Variants in CTNNA1 observed in about 807,000 individuals in gnomAD.
The protein encoded by CTNNA1 is catenin alpha 1.
A neutral mutation model predicts 98.4 loss-of-function variants in CTNNA1; 37 were observed. The observed-to-expected ratio is 0.38, with a 90% confidence interval of 0.29 to 0.49. CTNNA1 has a LOEUF of 0.49. Among genes scored for constraint, CTNNA1 ranks in the 20% least tolerant of loss-of-function variants. The pLI is 0.95. For synonymous variants in CTNNA1, 404 were observed against 413.2 expected (o/e 0.98, Z 0.27); for missense variants, 761 against 1,147.2 (o/e 0.66, Z 4.86).
Position 138,783,305 on chromosome 5 carries a change from A to C in CTNNA1, c.234A>C (p.Lys78Asn). Residue 78 changes from lysine (K) to asparagine (N), a missense_variant, in exon 3 of 18, where the codon AAA becomes AAC. Coordinates refer to ENST00000302763, the MANE Select transcript of CTNNA1 (RefSeq NM_001903.5). ...AGAATTTCTTGGAGAAGGGGGATAA[A>C]ATTGCGAAGGAGAGCCAGTTTCTCA... ...ATENFLEKGD[K>N]IAKESQFLKE... The C allele has an allele frequency of 1.2e-6, 2 of 1,614,126 alleles. No individual in the cohort carries two copies. Among genetic ancestry groups the C allele is most frequent in the Non-Finnish European group, 1.7e-6 (2 of 1,179,980 alleles).
At chr5:138,785,822 G>A (rs1452307006) in intron 3 of CTNNA1, among the ~76,000 whole-genome samples, 1 of 152,128 alleles carries the variant, frequency 6.6e-6, no homozygotes, top group Non-Finnish European at 1.5e-5. Context: ...TCGAACTCCT[G>A]ACCTCAAGTG....
chr5:138,777,747 ACTCGGCAGG>A (rs1754516918), intron 1 of CTNNA1, among the ~76,000 whole-genome samples: 1 of 150,932 alleles, frequency 6.6e-6, no homozygotes, highest in South Asian at 2.1e-4. Context: ...AATCACAGGC[ACTCGGCAGG>A]CTGAGGCAGG....
At position 138,932,560 on chromosome 5, in the gene CTNNA1, A is replaced by G; in HGVS notation, c.2299-18A>G. 6.2e-7 allele frequency: 1 copy of G among 1,613,826 alleles called. No individual in the cohort carries two copies. The highest frequency in any genetic ancestry group is 1.7e-5 in the Admixed American group (1 of 59,996). ...GGCCAGGCCAGGATACTTGGTGTTA[A>G]GCCTGCTCTCTCTTCAGTGCCCCGA... is the stretch of plus-strand genomic sequence containing the variant. On this transcript the variant is annotated intron_variant, in intron 16 of 17. Coordinates refer to ENST00000302763, the MANE Select transcript of CTNNA1 (RefSeq NM_001903.5).
intron 3 of CTNNA1, among the ~76,000 whole-genome samples, chr5:138,800,790 C>G (rs770826337): frequency 6.6e-6 from 1 of 151,712 alleles, no homozygotes; most frequent in Non-Finnish European, 1.5e-5. Flanking sequence ...GCAACAAGAG[C>G]AAAACTCCGT....
chr5:138,848,719 A>T (rs1762937182), intron 7 of CTNNA1, among the ~76,000 whole-genome samples: 1 of 152,006 alleles, frequency 6.6e-6, no homozygotes, highest in Non-Finnish European at 1.5e-5. Context: ...GTGCATTTTG[A>T]TTGGGCCTGG....
chr5:138,778,269 C>T (rs1469343903), intron 1 of CTNNA1, among the ~76,000 whole-genome samples: 1 of 152,152 alleles, frequency 6.6e-6, no homozygotes, highest in Admixed American at 6.5e-5. Flanking sequence ...GCTGGGATTA[C>T]AGACGTGAGC....
chr5:138,932,531 C>G, intron 16 of CTNNA1, 47 bp from the exon 17 acceptor site: 4 of 1,604,624 alleles, frequency 2.5e-6, no homozygotes, highest in Non-Finnish European at 3.4e-6. Flanking sequence ...GTCGGGGGTG[C>G]TTGGGCCAGG....
chr5:138,853,741 G>C (rs754955212), intron 7 of CTNNA1, among the ~76,000 whole-genome samples: 6 of 152,216 alleles, frequency 3.9e-5, no homozygotes, highest in Non-Finnish European at 8.8e-5. Flanking sequence ...AAGAGTTTAT[G>C]TGAGGCTGTT....
chr5:138,806,144 A>G (rs1317250348), intron 3 of CTNNA1, among the ~76,000 whole-genome samples: 1 of 152,196 alleles, frequency 6.6e-6, no homozygotes, highest in Non-Finnish European at 1.5e-5. Flanking sequence ...ACCATTCTTC[A>G]TTGAATATTC....
chr5:138,782,272 A>G (rs1434306511), intron 2 of CTNNA1: 6 of 577,436 alleles, frequency 1.0e-5, no homozygotes, highest in Non-Finnish European at 2.0e-5. Flanking sequence ...CAACTTTGCA[A>G]ATGTTTGTGC....
At chr5:138,811,245 C>T (rs1398151186) in intron 4 of CTNNA1, among the ~76,000 whole-genome samples, 46 of 144,214 alleles carry the variant, frequency 3.2e-4, no homozygotes, top group Admixed American at 8.2e-4. Context: ...GATGGGGTCG[C>T]GGCCGGGCAG....
chr5:138,903,459 G>A (rs899872619), intron 9 of CTNNA1, among the ~76,000 whole-genome samples: 1 of 152,108 alleles, frequency 6.6e-6, no homozygotes, highest in Non-Finnish European at 1.5e-5. Flanking sequence ...TCTCAGTACC[G>A]TGTATTCAGT....
intron 3 of CTNNA1, among the ~76,000 whole-genome samples, chr5:138,801,727 A>G (rs1251373557): frequency 1.3e-5 from 2 of 152,238 alleles, no homozygotes; most frequent in African/African-American, 4.8e-5. Flanking sequence ...ATAAACCCAC[A>G]TGAACTACTT....
In CTNNA1 at chr5:138,873,543, G is replaced by A. The variant is rs201004428; in HGVS notation, c.1063-12669G>A. 8.2e-5 allele frequency: 133 copies of A among 1,613,850 alleles called. No homozygotes were observed. The highest frequency in any genetic ancestry group is 5.8e-5 in the Non-Finnish European group (69 of 1,179,910). ...TCTCCTTGGGTGTGGTCAGGACTGT[G>A]GCATAGGATGGAGTGTTCCCACCGA... On this transcript the variant is annotated intron_variant, in intron 7 of 17. Coordinates refer to ENST00000302763, the MANE Select transcript of CTNNA1 (RefSeq NM_001903.5). The surrounding 1 kb of genome is among the most constrained non-coding windows in gnomAD (Gnocchi z 6.1).
intron 1 of CTNNA1, among the ~76,000 whole-genome samples, chr5:138,770,736 A>C (rs781724017): frequency 1.3e-5 from 2 of 152,134 alleles, no homozygotes; most frequent in African/African-American, 4.8e-5. Context: ...GCAGATCACG[A>C]GGTCAGGAGA....
intron 7 of CTNNA1, among the ~76,000 whole-genome samples, chr5:138,865,964 A>C (rs1490246617): frequency 6.6e-6 from 1 of 152,186 alleles, no homozygotes; most frequent in Non-Finnish European, 1.5e-5. Context: ...TTTGTTCATC[A>C]CAAGAGGAAA....
intron 1 of CTNNA1, among the ~76,000 whole-genome samples, chr5:138,763,202 AC>A (rs1283167006): frequency 6.6e-6 from 1 of 152,214 alleles, no homozygotes; most frequent in African/African-American, 2.4e-5. Context: ...AGGTTAGACT[AC>A]ATACAGACTG....
chr5:138,786,194 A>AG (rs1335863841), intron 3 of CTNNA1, among the ~76,000 whole-genome samples: 1 of 152,220 alleles, frequency 6.6e-6, no homozygotes, highest in East Asian at 1.9e-4. Flanking sequence ...TTGGAAAAAA[A>AG]GAGCCAAAAC....
At chr5:138,792,214 A>T (rs1756458293) in intron 3 of CTNNA1, among the ~76,000 whole-genome samples, 1 of 152,222 alleles carries the variant, frequency 6.6e-6, no homozygotes, top group Non-Finnish European at 1.5e-5. Context: ...GTGTATGTGT[A>T]TATATACATA....
Sources: allele counts gnomAD v4.1 joint callset (sites outside exome capture counted in the v4.1 genomes callset), GRCh38; gene constraint gnomAD v4.1.1; non-coding constraint Gnocchi (gnomAD v3.1); transcripts MANE v1.5; gene names NCBI Gene and HGNC (gene_info 2026-07-23, HGNC 2026-07-21).